Variants in ZNF791 observed in about 807,000 individuals in gnomAD.
ZNF791 encodes the protein zinc finger protein 791.
ZNF791 carries 4 observed loss-of-function variants against 11.5 expected under a neutral mutation model. The ratio of observed to expected loss-of-function variants is 0.35; its 90% CI spans 0.17 to 0.80. The LOEUF (loss-of-function observed/expected upper bound fraction) is 0.80, where lower values mean the gene tolerates loss of function less well. ZNF791 is among the 30% of genes least tolerant of loss of function. The pLI is 0.53. For missense variants in ZNF791, 559 were observed against 699.4 expected (o/e 0.80, Z 2.26); for synonymous variants, 212 against 228.1 (o/e 0.93, Z 0.64).
At chr19:12,624,350 A>C (rs957220046) in intron 2 of ZNF791, among the ~76,000 whole-genome samples, 6 of 151,046 alleles carry the variant, frequency 4.0e-5, no homozygotes, top group African/African-American at 1.5e-4. Context: ...ACGGGGTTTT[A>C]TCATGTTGGC....
Position 12,629,361 on chromosome 19 carries a change from A to G in ZNF791, c.*101A>G. 1 of 895,516 alleles carries G rather than the reference A, an allele frequency of 1.1e-6. No homozygotes were observed. Among genetic ancestry groups the G allele is most frequent in the East Asian group, 2.8e-5 (1 of 35,762 alleles). 55.5% of individuals were successfully genotyped at this position (895,516 alleles called of 1,614,324 possible). A position where few individuals can be genotyped will look rare whatever the true frequency, so the allele number is the denominator to read the frequency against. On this transcript the variant is annotated 3_prime_UTR_variant, in exon 4 of 4. Transcript: ENST00000343325. ...TGAAGAGAGAAATCCTGTCAATGTA[A>G]GTAATATAGAAAGCGAGATACAAGA...
At position 12,611,047 on chromosome 19, in the gene ZNF791, G is replaced by A. The variant is rs2023147652; in HGVS notation, c.-33G>A. ...CCCTGCGCTGGCTCCGTGAACCTTA[G>A]GGACAACACCGGGACACCCGCGAGG... On this transcript the variant is annotated 5_prime_UTR_variant, in exon 1 of 4. The change abolishes the stop of an existing upstream ORF in the 5' untranslated region. Coordinates refer to ENST00000343325, the MANE Select transcript of ZNF791 (RefSeq NM_153358.3). 6.2e-7 allele frequency: 1 copy of A among 1,614,154 alleles called. No homozygotes were observed. The highest frequency in any genetic ancestry group is 8.5e-7 in the Non-Finnish European group (1 of 1,180,010).
Position 12,610,931 on chromosome 19 carries a change from A to T in ZNF791, c.-149A>T. The stretch of plus-strand genomic sequence containing the variant: ...CGGCTACGCTGCGCAAATGCGTGCT[A>T]CGTCACTGTGCGATCGGGTTGTGCT... On this transcript the variant is annotated 5_prime_UTR_variant, in exon 1 of 4. Transcript: ENST00000343325. 3.6e-6 allele frequency: 4 copies of T among 1,120,444 alleles called. No homozygotes were observed. 69.4% of individuals were successfully genotyped at this position (1,120,444 alleles called of 1,614,324 possible). A position where few individuals can be genotyped will look rare whatever the true frequency, so the allele number is the denominator to read the frequency against.
intron 3 of ZNF791, among the ~76,000 whole-genome samples, chr19:12,626,780 T>G (rs2023435275): frequency 6.6e-6 from 1 of 150,742 alleles, no homozygotes; most frequent in Non-Finnish European, 1.5e-5. Flanking sequence ...AATTTTTTTG[T>G]ATTTTTAGTA....
Position 12,628,039 on chromosome 19 carries a change from A to G in ZNF791, c.510A>G (p.Ile170Met). The change falls in exon 4 of 4, where the codon ATA becomes ATG. Residue 170 changes from isoleucine (I) to methionine (M), a missense_variant. Ile to Met is a conservative substitution (Grantham distance 10). Transcript: ENST00000343325. ...GTAAACAATGTGGAAAAACCTTCATATATCACCAGCCCTTTCAAAGACATG... is the reference window on the plus strand; with the variant it reads ...GTAAACAATGTGGAAAAACCTTCATGTATCACCAGCCCTTTCAAAGACATG... ...YKCKQCGKTF[I>M]YHQPFQRHER... 1.9e-6 allele frequency: 3 copies of G among 1,613,068 alleles called. No homozygotes were observed. Among genetic ancestry groups the G allele is most frequent in the Non-Finnish European group, 2.5e-6 (3 of 1,179,578 alleles).
rs186740157 is a variant in ZNF791, at chr19:12,618,951, G to A, written c.4-4749G>A. Among the ~76,000 whole-genome samples, 397 of 150,812 alleles carry A rather than the reference G, an allele frequency of 2.6e-3. 2 individuals are homozygous for A. Among genetic ancestry groups the A allele is most frequent in the African/African-American group, 9.2e-3 (377 of 41,122 alleles). ...CAACCTCCGCCTCCTGGGTTCAAGCGATTCTCCTGCTTCAGCCTCCCGAGT... is the reference window on the plus strand; with the variant it reads ...CAACCTCCGCCTCCTGGGTTCAAGCAATTCTCCTGCTTCAGCCTCCCGAGT... On this transcript the variant is annotated intron_variant, in intron 1 of 3. Coordinates refer to ENST00000343325, the MANE Select transcript of ZNF791 (RefSeq NM_153358.3).
At chr19:12,624,134 G>C (rs2023393661) in intron 2 of ZNF791, among the ~76,000 whole-genome samples, 1 of 149,864 alleles carries the variant, frequency 6.7e-6, no homozygotes, top group Non-Finnish European at 1.5e-5. Context: ...GGGATTACAG[G>C]CATGAGCCAC....
Position 12,632,705 on chromosome 19 carries a change from C to G in ZNF791, c.*3445C>G, listed in dbSNP as rs2145200783. 1 of 152,162 alleles carries G rather than the reference C, an allele frequency of 6.6e-6. No homozygotes were observed. The highest frequency in any genetic ancestry group is 1.5e-5 in the Non-Finnish European group (1 of 68,052). The allele number at this position is 152,162 out of a possible 1,614,324, so 9.4% of individuals were successfully genotyped here. A position where few individuals can be genotyped will look rare whatever the true frequency, so the allele number is the denominator to read the frequency against. Reference sequence around the variant, plus strand: ...GCTGAGGCAGGAGAAATGCTTGAACCTGGAAGTCAGAGGTTGCAGTGAGCC... The same window carrying G: ...GCTGAGGCAGGAGAAATGCTTGAACGTGGAAGTCAGAGGTTGCAGTGAGCC... On this transcript the variant is annotated 3_prime_UTR_variant, in exon 4 of 4. Coordinates refer to ENST00000343325, the MANE Select transcript of ZNF791 (RefSeq NM_153358.3).
At position 12,628,664 on chromosome 19, in the gene ZNF791, A is replaced by G. The variant is rs150921977; in HGVS notation, c.1135A>G (p.Thr379Ala). ...SYFRIHERTH[T>A]GEKPYECKKC... The stretch of plus-strand genomic sequence containing the variant: ...CTTTCGAATACATGAAAGGACTCAC[A>G]CTGGAGAGAAACCCTACGAATGTAA... The change falls in exon 4 of 4, where the codon ACT becomes GCT. Residue 379 changes from threonine to alanine, a missense_variant. Thr to Ala is a moderately conservative substitution (Grantham distance 58, BLOSUM62 0). Coordinates refer to ENST00000343325, the MANE Select transcript of ZNF791 (RefSeq NM_153358.3). 7.5e-5 allele frequency: 120 copies of G among 1,606,064 alleles called. No homozygotes were observed. Among genetic ancestry groups the G allele is most frequent in the Non-Finnish European group, 9.9e-5 (116 of 1,176,992 alleles).
chr19:12,614,437 G>C (rs563806542), intron 1 of ZNF791, among the ~76,000 whole-genome samples: 1 of 151,614 alleles, frequency 6.6e-6, no homozygotes, highest in Non-Finnish European at 1.5e-5. Context: ...GGGTTTCACC[G>C]TGTTGACCAG....
At chr19:12,612,174 C>A in intron 1 of ZNF791, 1 of 899,668 alleles carries the variant, frequency 1.1e-6, no homozygotes, top group African/African-American at 1.8e-5. Flanking sequence ...CTATTTATTG[C>A]CATGGAAATA....
intron 1 of ZNF791, among the ~76,000 whole-genome samples, chr19:12,621,962 T>C (rs1599324345): frequency 1.5e-5 from 2 of 129,180 alleles, no homozygotes; most frequent in African/African-American, 5.7e-5. Flanking sequence ...TTGCCGTGTC[T>C]GTGTAGAAAG....
At chr19:12,625,991 C>T (rs781156408) in intron 3 of ZNF791, among the ~76,000 whole-genome samples, 7 of 150,698 alleles carry the variant, frequency 4.6e-5, no homozygotes, top group South Asian at 4.2e-4. Flanking sequence ...ATTATAAGCG[C>T]GCACTACTAT....
chr19:12,625,753 C>G (rs2023417028), intron 3 of ZNF791, among the ~76,000 whole-genome samples: 1 of 147,920 alleles, frequency 6.8e-6, no homozygotes, highest in African/African-American at 2.5e-5. Flanking sequence ...CCACTACACT[C>G]CAGCCTGGGC....
intron 1 of ZNF791, among the ~76,000 whole-genome samples, chr19:12,620,454 G>A (rs1182850502): frequency 6.6e-6 from 1 of 152,122 alleles, no homozygotes; most frequent in Non-Finnish European, 1.5e-5. Flanking sequence ...GGGATTATAG[G>A]CATGAGCCAT....
At chr19:12,621,200 A>G (rs541064497) in intron 1 of ZNF791, among the ~76,000 whole-genome samples, 1 of 152,306 alleles carries the variant, frequency 6.6e-6, no homozygotes, top group East Asian at 1.9e-4. Context: ...AGCAAAGCCC[A>G]GATGACATGA....
At chr19:12,621,652 C>T (rs2023345377) in intron 1 of ZNF791, among the ~76,000 whole-genome samples, 1 of 149,054 alleles carries the variant, frequency 6.7e-6, no homozygotes, top group African/African-American at 2.5e-5. Flanking sequence ...CCTGGCCTCT[C>T]ATGTATAACA....
Position 12,629,493 on chromosome 19 carries a change from C to A in ZNF791, c.*233C>A. On this transcript the variant is annotated 3_prime_UTR_variant, in exon 4 of 4. Coordinates refer to ENST00000343325, the MANE Select transcript of ZNF791 (RefSeq NM_153358.3). The stretch of plus-strand genomic sequence containing the variant: ...ATAACACCTAAAACATTTCTATCAA[C>A]CGCAATTTAGTAGCAGTAGTAACAC... The A allele has an allele frequency of 2.9e-6, 1 of 350,862 alleles. No individual in the cohort carries two copies. 21.7% of individuals were successfully genotyped at this position (350,862 alleles called of 1,614,324 possible). A position where few individuals can be genotyped will look rare whatever the true frequency, so the allele number is the denominator to read the frequency against.
chr19:12,613,949 T>C (rs2023201092), intron 1 of ZNF791, among the ~76,000 whole-genome samples: 1 of 152,196 alleles, frequency 6.6e-6, no homozygotes. Flanking sequence ...TTCCGTAATA[T>C]AGGTGTACTG....
Sources: gnomAD v4.1 joint callset for allele counts (sites outside exome capture counted in the v4.1 genomes callset) on GRCh38, gnomAD v4.1.1 for gene constraint, MANE v1.5 for transcripts, NCBI Gene and HGNC (gene_info 2026-07-23, HGNC 2026-07-21) for gene names.